The following ANO9 variants were observed in gnomAD, a reference collection of about 807,000 sequenced individuals.
The protein encoded by ANO9 is anoctamin-9.
ANO9 carries 80 observed loss-of-function variants against 100.5 expected under a neutral mutation model. The ratio of observed to expected loss-of-function variants is 0.80; its 90% confidence interval spans 0.66 to 0.96. The LOEUF is 0.96. Ranked by LOEUF, ANO9 falls within the 40% of genes least tolerant of loss-of-function variation. The probability of loss-of-function intolerance (pLI) is 0.00; values close to 1 mark genes in which losing one functional copy is unlikely to be tolerated. For synonymous variants in ANO9, 473 were observed against 435.6 expected (o/e 1.09, Z -1.07); for missense variants, 1,064 against 1,072.7 (o/e 0.99, Z 0.11).
intron 4 of ANO9, chr11:433,012 G>A: frequency 2.6e-6 from 1 of 390,474 alleles, no homozygotes; most frequent in Non-Finnish European, 4.6e-6. Flanking sequence ...GGGCCCCTGG[G>A]CCTCTGCAAA....
chr11:427,294 G>A (rs543969401), intron 15 of ANO9, among the ~76,000 whole-genome samples: 65 of 152,016 alleles, frequency 4.3e-4, no homozygotes, highest in Non-Finnish European at 9.1e-4. Flanking sequence ...AGGTTGTAGC[G>A]AGCCAAGATC....
chr11:429,054 G>T (rs1183679779), intron 11 of ANO9, among the ~76,000 whole-genome samples: 3 of 130,126 alleles, frequency 2.3e-5, no homozygotes, highest in African/African-American at 9.1e-5. Context: ...ACAGACACAG[G>T]GACACGCCTC....
At position 441,984 on chromosome 11, in the gene ANO9, G is replaced by C; in HGVS notation, c.-58C>G. Reference sequence around the variant, plus strand: ...GGCGGCCAGGAGAGTGGCTGCCAGCGGCGGGTGCTCCTACCTGACTTCCGC... The same window carrying C: ...GGCGGCCAGGAGAGTGGCTGCCAGCCGCGGGTGCTCCTACCTGACTTCCGC... On this transcript the variant is annotated 5_prime_UTR_variant, in exon 1 of 23. Coordinates refer to ENST00000332826, the MANE Select transcript of ANO9 (RefSeq NM_001012302.3). 2 of 1,586,286 alleles carry C rather than the reference G, an allele frequency of 1.3e-6. No individual in the cohort carries two copies. Among genetic ancestry groups the C allele is most frequent in the African/African-American group, 2.7e-5 (2 of 74,908 alleles).
rs1169538927 is a variant in ANO9, at chr11:441,899, C to A, written c.6+22G>T. On this transcript the variant is annotated intron_variant, in intron 1 of 22. Transcript: ENST00000332826. Reference sequence around the variant, plus strand: ...TGGCTGGGGGCCTTGAAGGTGTGGACCCTTTTGAGCGCAGGACTCACCTGC... The same window carrying A: ...TGGCTGGGGGCCTTGAAGGTGTGGAACCTTTTGAGCGCAGGACTCACCTGC... 1.9e-6 allele frequency: 3 copies of A among 1,606,004 alleles called. No individual in the cohort carries two copies. The East Asian group carries it at 6.7e-5, about 36-fold the overall frequency.
intron 1 of ANO9, among the ~76,000 whole-genome samples, chr11:436,973 GGGGTGAGCAGT>G (rs1192980061): frequency 3.8e-5 from 4 of 105,612 alleles, no homozygotes; most frequent in Admixed American, 8.9e-5. Flanking sequence ...GGGTGAGCAG[GGGGTGAGCAGT>G]GGGTGAGCGG....
intron 9 of ANO9, 38 bp downstream of exon 9, chr11:430,045 C>T: frequency 6.5e-7 from 1 of 1,540,746 alleles, no homozygotes; most frequent in African/African-American, 1.4e-5. Context: ...CCGTTCCCAT[C>T]TTCCGCAGGC....
Position 421,213 on chromosome 11 carries a change from G to C in ANO9, c.1335-15C>G. On this transcript the variant is annotated splice_polypyrimidine_tract_variant and intron_variant, in intron 15 of 22. Transcript: ENST00000332826. This position sits in a 1 kb window ranked among gnomAD's most constrained non-coding sequence, Gnocchi z 6.8. ...GGCCGTTGATCCTGGGGAGGAAGGG[G>C]AAGTCTGGGGCACTGCGGGCAGCGC... The C allele has an allele frequency of 6.5e-7, 1 of 1,529,360 alleles. No individual in the cohort carries two copies. The highest frequency in any genetic ancestry group is 1.3e-5 in the South Asian group (1 of 78,346). The allele number at this position is 1,529,360 out of a possible 1,614,324, so 94.7% of individuals were successfully genotyped here.
intron 15 of ANO9, among the ~76,000 whole-genome samples, chr11:426,023 C>T (rs1440077276): frequency 6.6e-6 from 1 of 152,164 alleles, no homozygotes; most frequent in Non-Finnish European, 1.5e-5. Flanking sequence ...TGAGCCACCT[C>T]GCCCAGCCCC....
intron 19 of ANO9, 100 bp downstream of exon 19, chr11:420,363 C>G (rs1046054551): frequency 2.0e-6 from 3 of 1,519,850 alleles, no homozygotes; most frequent in African/African-American, 1.4e-5. Flanking sequence ...GCCTGAGATC[C>G]GAGAGATTAT....
At chr11:440,065 C>T (rs1564941850) in intron 1 of ANO9, among the ~76,000 whole-genome samples, 1 of 152,116 alleles carries the variant, frequency 6.6e-6, no homozygotes, top group African/African-American at 2.4e-5. Context: ...GGAGAAAGAA[C>T]ATGTGTGGGC....
At chr11:439,542 C>T (rs937277740) in intron 1 of ANO9, among the ~76,000 whole-genome samples, 36 of 152,074 alleles carry the variant, frequency 2.4e-4, no homozygotes, top group African/African-American at 8.0e-4. Flanking sequence ...CCAGGGGGTC[C>T]CACGACGCAC....
intron 15 of ANO9, among the ~76,000 whole-genome samples, chr11:426,652 G>A (rs1017391179): frequency 6.6e-6 from 1 of 152,168 alleles, no homozygotes; most frequent in Admixed American, 6.5e-5. Context: ...TAAGGGAATT[G>A]GAGAGGCCTG....
chr11:418,748 A>G lies in ANO9; in HGVS notation c.2102T>C (p.Ile701Thr). ...FSEQFWFLLA[I>T]RLAFVILFEH... is the part of the protein sequence containing the mutation. ...AAAGAGGATGACGAAGGCCAGGCGG[A>G]TGGCCAGGAGGAACCAGAACTGCTC... Residue 701 changes from isoleucine (I) to threonine (T), a missense_variant, in exon 22 of 23, where the codon ATC (isoleucine) becomes ACC (threonine). By Grantham distance (89) the Ile-to-Thr change is moderately conservative. Coordinates refer to ENST00000332826, the MANE Select transcript of ANO9 (RefSeq NM_001012302.3). 1 of 1,613,048 alleles carries G rather than the reference A, an allele frequency of 6.2e-7. No individual in the cohort carries two copies. The highest frequency in any genetic ancestry group is 1.1e-5 in the South Asian group (1 of 91,086).
Position 430,158 on chromosome 11 carries a change from G to T in ANO9, c.696C>A (p.His232Gln), listed in dbSNP as rs376047895. ...SQISKEICEA[H>Q]DILMCPLGDH... ...CGCCGAGGGGACACATGAGGATGTC[G>T]TGGGCCTCACAGATCTCCTTGCTGA... Residue 232 changes from histidine to glutamine, a missense_variant, in exon 9 of 23, where the codon CAC becomes CAA. Transcript: ENST00000332826. 3 of 1,552,636 alleles carry T rather than the reference G, an allele frequency of 1.9e-6. No individual in the cohort carries two copies. The highest frequency in any genetic ancestry group is 2.6e-6 in the Non-Finnish European group (3 of 1,148,556).
At chr11:427,347 C>T (rs915624428) in intron 15 of ANO9, among the ~76,000 whole-genome samples, 3 of 151,854 alleles carry the variant, frequency 2.0e-5, no homozygotes, top group African/African-American at 7.3e-5. Flanking sequence ...GAGACTCCAT[C>T]TCAAAAAAAA....
In ANO9 at chr11:435,836, ATAGTCTAGTC is replaced by A. The variant is rs111894897; in HGVS notation, c.7-1748_7-1739del. 2.1e-3 allele frequency among the ~76,000 whole-genome samples: 307 copies of A among 144,420 alleles called. 2 individuals are homozygous for A. The highest frequency in any genetic ancestry group is 7.3e-3 in the African/African-American group (282 of 38,436). The allele number at this position is 144,420 out of a possible 152,430, so 94.7% of individuals were successfully genotyped here. ...ATAGCATAGCATAACATAATACGGT[ATAGTCTAGTC>A]TAGTCTAGTCTAGTCTAGTATAGCA... On this transcript the variant is annotated intron_variant, in intron 1 of 22. Coordinates refer to ENST00000332826, the MANE Select transcript of ANO9 (RefSeq NM_001012302.3).
chr11:441,262 G>C (rs1282737108), intron 1 of ANO9, among the ~76,000 whole-genome samples: 1 of 152,136 alleles, frequency 6.6e-6, no homozygotes, highest in Non-Finnish European at 1.5e-5. Flanking sequence ...TGTTGGCCCT[G>C]GCCCCAGGTG....
chr11:428,450 G>C, intron 13 of ANO9, 25 bp downstream of exon 13: 1 of 1,612,372 alleles, frequency 6.2e-7, no homozygotes, highest in Non-Finnish European at 8.5e-7. Flanking sequence ...CCCCCAGCTC[G>C]GGCCTGCCCT....
rs1849016555 is a variant in ANO9 at position 431,703 on chromosome 11, T to G, written c.530A>C (p.Asp177Ala). Residue 177 changes from aspartate (D) to alanine (A), a missense_variant, in exon 7 of 23, where the codon GAT (aspartate) becomes GCT (alanine). Asp to Ala is a moderately radical substitution (Grantham distance 126). Coordinates refer to ENST00000332826, the MANE Select transcript of ANO9 (RefSeq NM_001012302.3). ...CTTTGGGCAGCGTTACCTGATTTCA[T>G]CAACTGGCTGCTCCCGGAACATGTG... ...WRHMFREQPV[D>A]EIRNYFGEKV... The G allele has an allele frequency of 3.7e-6, 6 of 1,612,434 alleles. No homozygotes were observed. Among genetic ancestry groups the G allele is most frequent in the Middle Eastern group, 1.7e-4 (1 of 6,014 alleles).
Sources: gnomAD v4.1 joint callset for allele counts (sites outside exome capture counted in the v4.1 genomes callset) on GRCh38, gnomAD v4.1.1 for gene constraint, Gnocchi (gnomAD v3.1) non-coding constraint, MANE v1.5 for transcripts, NCBI Gene and HGNC (gene_info 2026-07-23, HGNC 2026-07-21) for gene names.